The following C7orf78 variants were observed in gnomAD, a reference collection of about 807,000 sequenced individuals.
The protein encoded by C7orf78 is putative uncharacterized protein C7orf78.
At chr7:12,508,310 A>C in the C7orf78 span, among the ~76,000 whole-genome samples, 1 of 152,188 alleles carries the variant, frequency 6.6e-6, no homozygotes, top group Non-Finnish European at 1.5e-5. Context: ...AAAACTAAAT[A>C]TGCTTATTTT....
At chr7:12,496,960 T>G in the C7orf78 span, among the ~76,000 whole-genome samples, 1,158 of 152,294 alleles carry the variant, frequency 7.6e-3, 7 homozygotes, top group Middle Eastern at 0.041. Context: ...GCTTCTTAGT[T>G]TATAAACTAG....
chr7:12,515,851 A>G, the C7orf78 span, among the ~76,000 whole-genome samples: 1 of 152,322 alleles, frequency 6.6e-6, no homozygotes, highest in Middle Eastern at 3.4e-3. Context: ...CTGGCAGAAG[A>G]AATTTCTAAG....
chr7:12,527,870 T>C, the C7orf78 span, among the ~76,000 whole-genome samples: 403 of 149,830 alleles, frequency 2.7e-3, 3 homozygotes, highest in Admixed American at 4.3e-3. Flanking sequence ...AGCTGTGTAA[T>C]TGAAATGGAA....
At chr7:12,486,343 G>T in the C7orf78 span, among the ~76,000 whole-genome samples, 1 of 151,844 alleles carries the variant, frequency 6.6e-6, no homozygotes. Context: ...TATGAATTTT[G>T]TTGTATCTCA....
chr7:12,505,288 T>G, the C7orf78 span, among the ~76,000 whole-genome samples: 1 of 152,134 alleles, frequency 6.6e-6, no homozygotes, highest in African/African-American at 2.4e-5. Context: ...AGAAAATGGT[T>G]GAATAACAAT....
chr7:12,535,453 A>G, the C7orf78 span, among the ~76,000 whole-genome samples: 1 of 152,164 alleles, frequency 6.6e-6, no homozygotes, highest in African/African-American at 2.4e-5. Context: ...CCATGATTCA[A>G]TTAGCTCCCA....
the C7orf78 span, among the ~76,000 whole-genome samples, chr7:12,503,204 G>A: frequency 7.9e-6 from 1 of 127,226 alleles, no homozygotes; most frequent in Non-Finnish European, 1.7e-5. Context: ...TGCACAATGT[G>A]CACATGTACC....
the C7orf78 span, among the ~76,000 whole-genome samples, chr7:12,516,575 T>G: frequency 6.6e-6 from 1 of 152,162 alleles, no homozygotes; most frequent in Non-Finnish European, 1.5e-5. Flanking sequence ...GCTTGCACCA[T>G]GTGCCTGGAA....
the C7orf78 span, chr7:12,483,394 G>A: frequency 6.6e-6 from 1 of 152,162 alleles, no homozygotes; most frequent in Non-Finnish European, 1.5e-5. Context: ...GCATCAGTTA[G>A]ATTTGAGACA....
At chr7:12,526,651 GTTATAC>G in the C7orf78 span, among the ~76,000 whole-genome samples, 6 of 152,118 alleles carry the variant, frequency 3.9e-5, no homozygotes, top group African/African-American at 7.2e-5. Flanking sequence ...TTTAGCATGT[GTTATAC>G]TTATAAAAGT....
the C7orf78 span, among the ~76,000 whole-genome samples, chr7:12,510,524 C>T: frequency 6.6e-6 from 1 of 152,122 alleles, no homozygotes; most frequent in South Asian, 2.1e-4. Context: ...TTTACATTCT[C>T]ACCAACAGTG....
At chr7:12,529,755 G>A in the C7orf78 span, among the ~76,000 whole-genome samples, 29 of 152,306 alleles carry the variant, frequency 1.9e-4, no homozygotes, top group African/African-American at 6.0e-4. Flanking sequence ...GGGCATAGCC[G>A]GGAACGTTCT....
the C7orf78 span, among the ~76,000 whole-genome samples, chr7:12,493,315 A>G: frequency 6.6e-6 from 1 of 152,226 alleles, no homozygotes; most frequent in African/African-American, 2.4e-5. Context: ...GATGAGGAAA[A>G]AAACTAAATA....
At chr7:12,517,151 T>C in the C7orf78 span, among the ~76,000 whole-genome samples, 1 of 152,058 alleles carries the variant, frequency 6.6e-6, no homozygotes, top group Admixed American at 6.6e-5. Flanking sequence ...CGGTGGAAGA[T>C]AATTTGAATC....
chr7:12,510,418 T>G, the C7orf78 span, among the ~76,000 whole-genome samples: 25 of 152,164 alleles, frequency 1.6e-4, no homozygotes, highest in Non-Finnish European at 3.4e-4. Flanking sequence ...CTTCTTTTCC[T>G]TTGGAAAAAT....
chr7:12,525,390 A>G, the C7orf78 span, among the ~76,000 whole-genome samples: 1 of 152,120 alleles, frequency 6.6e-6, no homozygotes, highest in South Asian at 2.1e-4. Context: ...TGTTTTTGCT[A>G]TGTGTCTGAA....
chr7:12,513,090 A>G, the C7orf78 span, among the ~76,000 whole-genome samples: 1 of 151,396 alleles, frequency 6.6e-6, no homozygotes, highest in Non-Finnish European at 1.5e-5. Flanking sequence ...TGGTTCATCG[A>G]TTTTATCTAT....
chr7:12,508,121 G>A, the C7orf78 span, among the ~76,000 whole-genome samples: 3 of 152,170 alleles, frequency 2.0e-5, no homozygotes, highest in African/African-American at 7.2e-5. Context: ...AACTGACTGA[G>A]AATTCTAAGT....
At chr7:12,507,888 A>G in the C7orf78 span, among the ~76,000 whole-genome samples, 1 of 151,958 alleles carries the variant, frequency 6.6e-6, no homozygotes, top group South Asian at 2.1e-4. Context: ...AGTTTATACA[A>G]ATCTTTAATT....
Sources: allele counts gnomAD v4.1 joint callset (sites outside exome capture counted in the v4.1 genomes callset), GRCh38; gene constraint gnomAD v4.1.1; transcripts MANE v1.5; gene names NCBI Gene and HGNC (gene_info 2026-07-23, HGNC 2026-07-21).